EYS: variants seen among roughly 807,000 people sequenced by gnomAD.
The protein encoded by EYS is protein eyes shut homolog.
Under a neutral mutation model 282.1 loss-of-function variants are expected in EYS, and 250 were observed. The observed-to-expected ratio is 0.89, with a 90% CI of 0.80 to 0.98. EYS has a LOEUF of 0.98. Among genes scored for constraint, EYS ranks in the 50% least tolerant of loss-of-function variants. The probability of loss-of-function intolerance (pLI) is 0.00; values close to 1 mark genes in which losing one functional copy is unlikely to be tolerated. For missense variants in EYS, 4,016 were observed against 3,709.0 expected, an observed-to-expected ratio of 1.08 and a Z score of -2.15; for synonymous variants, 1,355 against 1,282.9, an observed-to-expected ratio of 1.06 and a Z score of -1.20.
chr6:64,309,295 T>C (rs1434213120), intron 29 of EYS, among the ~76,000 whole-genome samples: 4 of 152,188 alleles, frequency 2.6e-5, no homozygotes, highest in Non-Finnish European at 4.4e-5. Context: ...AATGACTCTA[T>C]GATTACTCTA....
chr6:64,657,596 T>A (rs1228784806), intron 22 of EYS, among the ~76,000 whole-genome samples: 1 of 152,134 alleles, frequency 6.6e-6, no homozygotes, highest in Non-Finnish European at 1.5e-5. Flanking sequence ...AAGGTTTTTA[T>A]TTCTCCTTCA....
At chr6:64,814,963 C>A (rs1764706201) in intron 21 of EYS, among the ~76,000 whole-genome samples, 1 of 152,056 alleles carries the variant, frequency 6.6e-6, no homozygotes, top group Non-Finnish European at 1.5e-5. Flanking sequence ...GTATTAACGA[C>A]AAAAACTCAT....
intron 11 of EYS, among the ~76,000 whole-genome samples, chr6:65,317,883 T>TTTCC (rs1294027944): frequency 1.2e-5 from 1 of 80,768 alleles, no homozygotes; most frequent in African/African-American, 6.7e-5. Flanking sequence ...TCTTTCTTTC[T>TTTCC]TTCAGACAGA....
intron 30 of EYS, among the ~76,000 whole-genome samples, chr6:64,296,588 ATATATATATAT>A (rs1769026510): frequency 2.8e-4 from 1 of 3,526 alleles, no homozygotes; most frequent in African/African-American, 1.1e-3. Flanking sequence ...ATATATACAT[ATATATATATAT>A]TTTTTTTTTT....
chr6:64,712,324 CTTAG>C (rs927703910), intron 22 of EYS, among the ~76,000 whole-genome samples: 1 of 152,112 alleles, frequency 6.6e-6, no homozygotes, highest in African/African-American at 2.4e-5. Context: ...CATAAAGTGT[CTTAG>C]TTAAAGAGAT....
intron 30 of EYS, among the ~76,000 whole-genome samples, chr6:64,270,269 T>C (rs1447950420): frequency 6.6e-6 from 1 of 152,114 alleles, no homozygotes; most frequent in Admixed American, 6.6e-5. Flanking sequence ...CAAGATGACT[T>C]TCACATGTGT....
At chr6:65,566,946 T>C (rs1769302773) in intron 2 of EYS, among the ~76,000 whole-genome samples, 3 of 152,178 alleles carry the variant, frequency 2.0e-5, no homozygotes, top group Non-Finnish European at 4.4e-5. Flanking sequence ...CACATCATCA[T>C]GATTTTAATA....
chr6:64,653,388 C>T (rs6454948), intron 22 of EYS, among the ~76,000 whole-genome samples: 97,306 of 151,996 alleles, frequency 0.64, 31,383 homozygotes, highest in African/African-American at 0.71. Flanking sequence ...CCTCTATGTT[C>T]ATGTAGATGG....
chr6:65,405,490 C>G (rs1331224946), intron 5 of EYS, 123 bp from the exon 6 acceptor site: 3 of 769,982 alleles, frequency 3.9e-6, no homozygotes, highest in Non-Finnish European at 6.4e-6. Flanking sequence ...TTTTATTTAA[C>G]AAATGTATTG....
chr6:64,319,561 C>T (rs978401738), intron 29 of EYS, among the ~76,000 whole-genome samples: 1 of 151,774 alleles, frequency 6.6e-6, no homozygotes, highest in Non-Finnish European at 1.5e-5. Context: ...TTTTTTAAAA[C>T]AAAGCTTCTA....
Position 64,230,753 on chromosome 6 carries a change from G to T in EYS, c.6263C>A (p.Thr2088Asn). 6.4e-7 allele frequency: 1 copy of T among 1,551,538 alleles called. No homozygotes were observed. Among genetic ancestry groups the T allele is most frequent in the Non-Finnish European group, 8.7e-7 (1 of 1,146,886 alleles). The change falls in exon 31 of 43, where the codon ACC (threonine) becomes AAC (asparagine). Residue 2088 changes from threonine to asparagine, a missense_variant. Physicochemically the swap from Thr to Asn is moderately conservative, Grantham distance 65. Coordinates refer to ENST00000503581, the MANE Select transcript of EYS (RefSeq NM_001142800.2). ...DASDVTQGVD[T>N]MWTSVSPSVA... is the part of the protein sequence containing the mutation. ...AGAGGGGCTGACAGAAGTCCACATG[G>T]TATCAACCCCTTGTGTCACATCAGA...
chr6:65,237,654 T>C lies in EYS; in HGVS notation c.2023+58209A>G, dbSNP rs761898536. ...TGGGCAAACAGTTATGCTTTTGGTG[T>C]CTGTTCCTCATTTACGATTCTGATA... On this transcript the variant is annotated intron_variant, in intron 12 of 42. Coordinates refer to ENST00000503581, the MANE Select transcript of EYS (RefSeq NM_001142800.2). Among the ~76,000 whole-genome samples the C allele has an allele frequency of 3.3e-4, 51 of 152,296 alleles. No individual in the cohort carries two copies. The Middle Eastern group carries it at 0.01, about 30-fold the overall frequency.
intron 9 of EYS, among the ~76,000 whole-genome samples, chr6:65,349,209 CAA>C (rs1302759166): frequency 6.6e-6 from 1 of 151,238 alleles, no homozygotes; most frequent in Admixed American, 6.6e-5. Flanking sequence ...TGTTGACTAC[CAA>C]TGCGGTGGTG....
At chr6:64,744,226 G>A (rs150283352) in intron 22 of EYS, among the ~76,000 whole-genome samples, 26 of 152,226 alleles carry the variant, frequency 1.7e-4, no homozygotes, top group African/African-American at 6.3e-4. Context: ...AGTTGGTAAA[G>A]AAATCAGAAA....
intron 22 of EYS, among the ~76,000 whole-genome samples, chr6:64,787,341 T>C (rs1774055100): frequency 6.6e-6 from 1 of 152,222 alleles, no homozygotes; most frequent in African/African-American, 2.4e-5. Flanking sequence ...TGGTATAAAA[T>C]TGGAAAGACA....
chr6:64,018,266 TAAAGAA>T (rs1768990575), intron 33 of EYS, among the ~76,000 whole-genome samples: 2 of 152,342 alleles, frequency 1.3e-5, no homozygotes, highest in East Asian at 3.9e-4. Flanking sequence ...GGAAAGTAGA[TAAAGAA>T]ATAGTTGTGA....
chr6:63,837,496 A>G (rs1423467731), intron 36 of EYS, among the ~76,000 whole-genome samples: 1 of 152,138 alleles, frequency 6.6e-6, no homozygotes, highest in African/African-American at 2.4e-5. Context: ...ATGTTAATTC[A>G]TAAGTGATTG....
chr6:64,477,897 T>C (rs1301864533), intron 26 of EYS, among the ~76,000 whole-genome samples: 1 of 152,154 alleles, frequency 6.6e-6, no homozygotes, highest in Non-Finnish European at 1.5e-5. Flanking sequence ...TCCTATTTGT[T>C]GGCTCAATGG....
intron 29 of EYS, among the ~76,000 whole-genome samples, chr6:64,382,382 TAA>T (rs1772776459): frequency 6.6e-6 from 1 of 152,104 alleles, no homozygotes; most frequent in South Asian, 2.1e-4. Context: ...ACCTCAAACT[TAA>T]AAGTGTCCAA....
Sources: gnomAD v4.1 joint callset for allele counts (sites outside exome capture counted in the v4.1 genomes callset) on GRCh38, gnomAD v4.1.1 for gene constraint, MANE v1.5 for transcripts, NCBI Gene and HGNC (gene_info 2026-07-23, HGNC 2026-07-21) for gene names.